Variants in DDHD1 observed in about 807,000 individuals in gnomAD.
DDHD1 encodes the protein DDHD domain containing 1.
Under a neutral mutation model 96.4 loss-of-function variants are expected in DDHD1, and 49 were observed. The observed-to-expected ratio is 0.51, with a 90% CI of 0.40 to 0.64. The LOEUF (loss-of-function observed/expected upper bound fraction) is 0.64. DDHD1 is among the 30% of genes least tolerant of loss of function. The pLI is 0.00. For synonymous variants in DDHD1, 442 were observed against 446.5 expected (o/e 0.99, Z 0.13); for missense variants, 1,106 against 1,161.2 (o/e 0.95, Z 0.69).
intron 6 of DDHD1, among the ~76,000 whole-genome samples, chr14:53,069,409 C>T (rs1050049906): frequency 1.3e-5 from 2 of 152,136 alleles, no homozygotes; most frequent in African/African-American, 4.8e-5. Flanking sequence ...AACCCTGGTG[C>T]CACTTTTCCA....
At chr14:53,064,458 A>G (rs552280911) in intron 6 of DDHD1, among the ~76,000 whole-genome samples, 1 of 152,242 alleles carries the variant, frequency 6.6e-6, no homozygotes, top group East Asian at 1.9e-4. Flanking sequence ...AAAAAAGGAA[A>G]TCACACTACC....
intron 6 of DDHD1, among the ~76,000 whole-genome samples, chr14:53,063,605 TAGTC>T (rs1883783247): frequency 6.6e-6 from 1 of 152,146 alleles, no homozygotes; most frequent in South Asian, 2.1e-4. Context: ...TTGTAGTTTT[TAGTC>T]AGTAAGTTTT....
In DDHD1 at chr14:53,114,185, G is replaced by A. The variant is rs979199256; in HGVS notation, c.839-10329C>T. ...CTCTCTAGATTCCTCCTCACTGGGC[G>A]GAGCACCTCTGAAGGAAAGACAGCA... On this transcript the variant is annotated intron_variant, in intron 1 of 12. Coordinates refer to ENST00000673822, the MANE Select transcript of DDHD1 (RefSeq NM_001160148.2). 4.6e-5 allele frequency among the ~76,000 whole-genome samples: 7 copies of A among 152,346 alleles called. 1 individual carries two copies. The South Asian group carries it at 1.2e-3, about 27-fold the overall frequency.
At chr14:53,059,901 A>G (rs1883403463) in intron 8 of DDHD1, among the ~76,000 whole-genome samples, 1 of 149,706 alleles carries the variant, frequency 6.7e-6, no homozygotes, top group Non-Finnish European at 1.5e-5. Context: ...TAATGATAGT[A>G]GAGATGAAAT....
intron 1 of DDHD1, among the ~76,000 whole-genome samples, chr14:53,120,020 C>A (rs1349315581): frequency 6.6e-6 from 1 of 151,926 alleles, no homozygotes; most frequent in South Asian, 2.1e-4. Flanking sequence ...ATTGTCTCTG[C>A]AAATGACATG....
chr14:53,068,162 T>C (rs2139893867), intron 6 of DDHD1, among the ~76,000 whole-genome samples: 1 of 152,146 alleles, frequency 6.6e-6, no homozygotes, highest in South Asian at 2.1e-4. Context: ...CAGTTCAGGA[T>C]GAGATACGGT....
chr14:53,052,032 G>T, intron 11 of DDHD1, 105 bp from the exon 12 acceptor site: 1 of 779,648 alleles, frequency 1.3e-6, no homozygotes, highest in Non-Finnish European at 2.1e-6. Context: ...CAAATAAACT[G>T]ACTAAATCTA....
In DDHD1 at chr14:53,063,064, C is replaced by T; in HGVS notation, c.1645G>A (p.Gly549Ser). 1.9e-6 allele frequency: 3 copies of T among 1,614,112 alleles called. No individual in the cohort carries two copies. The highest frequency in any genetic ancestry group is 2.5e-6 in the Non-Finnish European group (3 of 1,180,004). Residue 549 changes from glycine to serine, a missense_variant, in exon 7 of 13, where the codon GGC becomes AGC. Gly to Ser is a moderately conservative substitution (Grantham distance 56). This residue lies in a region of DDHD1 where 650 missense variants were observed against 758.8 expected (regional missense o/e 0.86). Coordinates refer to ENST00000673822, the MANE Select transcript of DDHD1 (RefSeq NM_001160148.2). ...GCVITYDIMTGWNPVRLYEQL... is the reference protein window; with the variant it reads ...GCVITYDIMTSWNPVRLYEQL... ...TCATACAGCCGAACTGGATTCCAGC[C>T]AGTCATTATGTCATAAGTAATTACA...
chr14:53,070,500 T>C (rs1884425820), intron 6 of DDHD1, among the ~76,000 whole-genome samples: 1 of 152,182 alleles, frequency 6.6e-6, no homozygotes, highest in Admixed American at 6.5e-5. Context: ...AGAACCTTGT[T>C]ATTGCTCACT....
chr14:53,125,556 A>G (rs1889363042), intron 1 of DDHD1, among the ~76,000 whole-genome samples: 1 of 152,214 alleles, frequency 6.6e-6, no homozygotes, highest in Admixed American at 6.5e-5. Flanking sequence ...ATGTATTAAC[A>G]TAGTTGAAAC....
At chr14:53,062,077 TTTTTTTTC>T (rs1883627100) in intron 7 of DDHD1, among the ~76,000 whole-genome samples, 1 of 151,812 alleles carries the variant, frequency 6.6e-6, no homozygotes, top group Non-Finnish European at 1.5e-5. Flanking sequence ...TTTCCATGCT[TTTTTTTTC>T]TTTTTTTAAA....
At chr14:53,143,669 A>T (rs887958815) in intron 1 of DDHD1, among the ~76,000 whole-genome samples, 1 of 152,232 alleles carries the variant, frequency 6.6e-6, no homozygotes, top group African/African-American at 2.4e-5. Context: ...TGAGAAAAGT[A>T]AAAACACCTT....
intron 2 of DDHD1, among the ~76,000 whole-genome samples, chr14:53,094,453 C>A (rs1886701841): frequency 6.6e-6 from 1 of 152,178 alleles, no homozygotes. Context: ...TGTAATCCAG[C>A]ACTCTGGGAG....
At chr14:53,129,737 T>G (rs1380849273) in intron 1 of DDHD1, among the ~76,000 whole-genome samples, 1 of 152,170 alleles carries the variant, frequency 6.6e-6, no homozygotes, top group Non-Finnish European at 1.5e-5. Context: ...TGCAAGAACT[T>G]AAAACCTCTT....
chr14:53,087,574 C>T (rs377634348), intron 4 of DDHD1, among the ~76,000 whole-genome samples: 76 of 152,004 alleles, frequency 5.0e-4, no homozygotes, highest in Non-Finnish European at 8.8e-4. Flanking sequence ...GGGTACATAA[C>T]GAAATGAAGG....
At chr14:53,110,199 C>T (rs550224128) in intron 1 of DDHD1, among the ~76,000 whole-genome samples, 67 of 152,164 alleles carry the variant, frequency 4.4e-4, no homozygotes, top group Non-Finnish European at 7.6e-4. Context: ...CAAATTCATC[C>T]CTTGTTTATC....
At chr14:53,078,574 G>C (rs143157169) in intron 4 of DDHD1, among the ~76,000 whole-genome samples, 113 of 152,234 alleles carry the variant, frequency 7.4e-4, no homozygotes, top group Non-Finnish European at 1.4e-3. Context: ...CCCATTCTGA[G>C]GGTTGTCTTC....
In DDHD1 at chr14:53,037,528, ATTGC is replaced by A. The variant is rs1439436596; in HGVS notation, c.*9236_*9239del. Reference sequence around the variant, plus strand: ...GATGAGCATTTTTTCACGTTTGTTGATTGCTTGTATGTCTTCTTTTGAGAAGTGT... The same window carrying A: ...GATGAGCATTTTTTCACGTTTGTTGATTGTATGTCTTCTTTTGAGAAGTGT... On this transcript the variant is annotated 3_prime_UTR_variant, in exon 13 of 13. Coordinates refer to ENST00000673822, the MANE Select transcript of DDHD1 (RefSeq NM_001160148.2). 1 of 151,726 alleles carries A rather than the reference ATTGC, an allele frequency of 6.6e-6. No individual in the cohort carries two copies. Among genetic ancestry groups the A allele is most frequent in the Non-Finnish European group, 1.5e-5 (1 of 67,880 alleles). The allele number at this position is 151,726 out of a possible 1,614,324, so 9.4% of individuals were successfully genotyped here.
At chr14:53,125,417 G>A (rs1889352952) in intron 1 of DDHD1, among the ~76,000 whole-genome samples, 1 of 152,124 alleles carries the variant, frequency 6.6e-6, no homozygotes, top group Non-Finnish European at 1.5e-5. Flanking sequence ...GAAAAACCTT[G>A]CTAAATAAAA....
Sources: gnomAD v4.1 joint callset for allele counts (sites outside exome capture counted in the v4.1 genomes callset) on GRCh38, gnomAD v4.1.1 for gene constraint, gnomAD v4.1.1 regional missense constraint, MANE v1.5 for transcripts, NCBI Gene and HGNC (gene_info 2026-07-23, HGNC 2026-07-21) for gene names.